Variants in NKAIN3 observed in about 807,000 individuals in gnomAD.
The protein encoded by NKAIN3 is sodium/potassium-transporting ATPase subunit beta-1-interacting protein 3.
A neutral mutation model predicts 30.2 loss-of-function variants in NKAIN3; 25 were observed. The ratio of observed to expected loss-of-function variants is 0.83; its 90% CI spans 0.60 to 1.16. The LOEUF (loss-of-function observed/expected upper bound fraction) is 1.16, where lower values mean the gene tolerates loss of function less well. Ranked by LOEUF, NKAIN3 falls within the 50% of genes most tolerant of loss-of-function variation. The pLI, the probability that NKAIN3 is intolerant of heterozygous loss-of-function variation, is 0.00. For missense variants in NKAIN3, 225 were observed against 254.1 expected (o/e 0.89, Z 0.78); for synonymous variants, 91 against 89.6 (o/e 1.02, Z -0.09).
In NKAIN3 at chr8:62,512,434, G is replaced by A. The variant is rs185539767; in HGVS notation, c.55-67105G>A. Among the ~76,000 whole-genome samples the A allele has an allele frequency of 1.4e-3, 215 of 152,246 alleles. 1 individual carries two copies. The highest frequency in any genetic ancestry group is 4.9e-3 in the African/African-American group (205 of 41,548). On this transcript the variant is annotated intron_variant, in intron 1 of 6. Transcript: ENST00000623646. ...CACCTCTGATCAGACCAAGGAAGCA[G>A]AACTTCTCTAATATGTGACCATGGT...
chr8:62,988,319 G>T (rs1382950371), downstream of NKAIN3, among the ~76,000 whole-genome samples: 1 of 152,240 alleles, frequency 6.6e-6, no homozygotes, highest in Middle Eastern at 3.2e-3. Context: ...CAGTGCCTCA[G>T]TGGGCACCTT....
At chr8:62,320,010 G>T (rs968103964) in intron 1 of NKAIN3, among the ~76,000 whole-genome samples, 4 of 152,024 alleles carry the variant, frequency 2.6e-5, no homozygotes, top group African/African-American at 4.8e-5. Flanking sequence ...ATGAATCTGG[G>T]TGCTCCTGTA....
intron 3 of NKAIN3, among the ~76,000 whole-genome samples, chr8:62,666,988 T>C (rs1813124593): frequency 6.6e-6 from 1 of 152,074 alleles, no homozygotes; most frequent in African/African-American, 2.4e-5. Context: ...ATTTAACTCC[T>C]ATCAAAGGTC....
intron 4 of NKAIN3, among the ~76,000 whole-genome samples, chr8:62,798,295 G>T (rs182042039): frequency 5.3e-5 from 8 of 152,298 alleles, no homozygotes; most frequent in African/African-American, 1.9e-4. Context: ...AAATAGGCCA[G>T]GCGTGGTGGC....
At chr8:62,960,735 GCA>G (rs113227908) in intron 6 of NKAIN3, among the ~76,000 whole-genome samples, 14 of 148,514 alleles carry the variant, frequency 9.4e-5, no homozygotes, top group Middle Eastern at 3.4e-3. Context: ...CAGGAAAAAA[GCA>G]CACACACACA....
rs186379931 is a variant in NKAIN3 at position 62,966,197 on chromosome 8, G to C, written c.*790G>C. On this transcript the variant is annotated 3_prime_UTR_variant, in exon 7 of 7. Transcript: ENST00000623646. ...AAACATACAGCTCATGGGCTTGTGG[G>C]ACAGAAATCACAAACATAGACCTGC... 2,737 of 985,106 alleles carry C rather than the reference G, an allele frequency of 2.8e-3. 3 individuals are homozygous for C. The highest frequency in any genetic ancestry group is 5.1e-3 in the Admixed American group (83 of 16,272). 61.0% of individuals were successfully genotyped at this position (985,106 alleles called of 1,614,324 possible).
At chr8:62,737,455 T>C (rs1815710859) in intron 3 of NKAIN3, among the ~76,000 whole-genome samples, 1 of 152,232 alleles carries the variant, frequency 6.6e-6, no homozygotes, top group African/African-American at 2.4e-5. Flanking sequence ...ACTGTTGCCA[T>C]GACTTTTACT....
At chr8:62,552,230 T>G (rs1809240315) in intron 1 of NKAIN3, among the ~76,000 whole-genome samples, 1 of 152,220 alleles carries the variant, frequency 6.6e-6, no homozygotes, top group Non-Finnish European at 1.5e-5. Context: ...TTAAGAAAAT[T>G]TATTCTAGTT....
intron 4 of NKAIN3, among the ~76,000 whole-genome samples, chr8:62,824,182 C>G (rs555446207): frequency 6.6e-6 from 1 of 152,120 alleles, no homozygotes; most frequent in Non-Finnish European, 1.5e-5. Flanking sequence ...GACATTGGGT[C>G]AGACATTTTT....
chr8:62,937,609 G>GA (rs1822826693), intron 5 of NKAIN3, among the ~76,000 whole-genome samples: 1 of 152,086 alleles, frequency 6.6e-6, no homozygotes, highest in East Asian at 1.9e-4. Flanking sequence ...CGGAATTGGG[G>GA]AAAAACTACG....
intron 3 of NKAIN3, among the ~76,000 whole-genome samples, chr8:62,718,747 T>A (rs1471120169): frequency 6.6e-6 from 1 of 152,136 alleles, no homozygotes; most frequent in Admixed American, 6.5e-5. Flanking sequence ...CTTTTTTTTT[T>A]ATAATGTACT....
At chr8:62,863,808 C>T in intron 4 of NKAIN3, 3 of 1,611,396 alleles carry the variant, frequency 1.9e-6, no homozygotes, top group Non-Finnish European at 1.7e-6. Flanking sequence ...TTTCTAATAA[C>T]ATGATACCGG....
intron 1 of NKAIN3, among the ~76,000 whole-genome samples, chr8:62,562,291 G>A (rs547791183): frequency 2.0e-5 from 3 of 152,268 alleles, no homozygotes; most frequent in Non-Finnish European, 4.4e-5. Context: ...TCCCTTGAGA[G>A]TTGTTTAAAA....
intron 3 of NKAIN3, among the ~76,000 whole-genome samples, chr8:62,705,911 C>A (rs1046255198): frequency 9.2e-5 from 14 of 151,870 alleles, no homozygotes; most frequent in African/African-American, 3.1e-4. Context: ...ATGGCAGGAG[C>A]CTTTCCACAG....
At chr8:62,414,529 T>G (rs1223701551) in intron 1 of NKAIN3, among the ~76,000 whole-genome samples, 1 of 152,210 alleles carries the variant, frequency 6.6e-6, no homozygotes, top group Non-Finnish European at 1.5e-5. Flanking sequence ...ATGCCGAAGA[T>G]CTGATAAGAG....
intron 1 of NKAIN3, among the ~76,000 whole-genome samples, chr8:62,449,972 G>A (rs1805593787): frequency 6.6e-6 from 1 of 151,986 alleles, no homozygotes; most frequent in Non-Finnish European, 1.5e-5. Flanking sequence ...AATGACCAAG[G>A]CATTTTGGTT....
intron 1 of NKAIN3, among the ~76,000 whole-genome samples, chr8:62,527,021 G>A (rs550959094): frequency 2.0e-5 from 3 of 152,158 alleles, no homozygotes; most frequent in African/African-American, 7.2e-5. Context: ...TGTCTTTTCC[G>A]CATATTCTCA....
intron 3 of NKAIN3, among the ~76,000 whole-genome samples, chr8:62,631,011 C>T (rs990469049): frequency 2.0e-5 from 3 of 152,098 alleles, no homozygotes; most frequent in African/African-American, 7.2e-5. Context: ...GTTTCCATTT[C>T]CAAGTCTTCC....
intron 4 of NKAIN3, among the ~76,000 whole-genome samples, chr8:62,821,829 A>G (rs908701123): frequency 6.6e-6 from 1 of 150,410 alleles, no homozygotes; most frequent in Admixed American, 6.7e-5. Context: ...GTTTTACTAA[A>G]TGACATTAAA....
Sources: allele counts gnomAD v4.1 joint callset (sites outside exome capture counted in the v4.1 genomes callset), GRCh38; gene constraint gnomAD v4.1.1; transcripts MANE v1.5; gene names NCBI Gene and HGNC (gene_info 2026-07-23, HGNC 2026-07-21).